The following NUTM2B variants were observed in gnomAD, a reference collection of about 807,000 sequenced individuals.
The protein encoded by NUTM2B is NUT family member 2B.
Under a neutral mutation model 42.4 loss-of-function variants are expected in NUTM2B, and 2 were observed. The observed-to-expected ratio is 0.05, with a 90% CI of 0.02 to 0.15. The LOEUF is 0.15. Among genes scored for constraint, NUTM2B ranks in the 10% least tolerant of loss-of-function variants. The pLI is 1.00. For missense variants in NUTM2B, 58 were observed against 952.6 expected (o/e 0.06, Z 12.36); for synonymous variants, 18 against 402.4 (o/e 0.04, Z 11.43).
At chr10:79,702,746 ACTC>A (rs1229152966), upstream of NUTM2B, among the ~76,000 whole-genome samples, 1,010 of 146,758 alleles carry the variant, frequency 6.9e-3, 1 homozygote, top group Non-Finnish European at 0.011. Context: ...CTGAGTTCTC[ACTC>A]CTCATCTCCT....
chr10:79,700,713 G>A (rs908135210), upstream of NUTM2B, among the ~76,000 whole-genome samples: 4 of 152,174 alleles, frequency 2.6e-5, no homozygotes, highest in African/African-American at 9.7e-5. Flanking sequence ...TTGCTCTCGT[G>A]CTGCGCGTCT....
chr10:79,693,513 G>C, the NUTM2B span, among the ~76,000 whole-genome samples: 1 of 152,128 alleles, frequency 6.6e-6, no homozygotes, highest in Non-Finnish European at 1.5e-5. Flanking sequence ...CAAAAATATT[G>C]AGCCCAGAAC....
At chr10:79,705,389 C>T (rs3128231) in intron 1 of NUTM2B, among the ~76,000 whole-genome samples, 35 of 147,886 alleles carry the variant, frequency 2.4e-4, no homozygotes, top group Non-Finnish European at 3.9e-4. Flanking sequence ...AAGGGTGGCC[C>T]GAATCTGACC....
At chr10:79,701,275 T>C (rs994525259), upstream of NUTM2B, among the ~76,000 whole-genome samples, 5 of 152,176 alleles carry the variant, frequency 3.3e-5, no homozygotes, top group African/African-American at 9.7e-5. Context: ...TCCTACCGCA[T>C]TCAAATGATT....
upstream of NUTM2B, among the ~76,000 whole-genome samples, chr10:79,702,143 TG>T (rs1403010366): frequency 6.6e-6 from 1 of 151,568 alleles, no homozygotes; most frequent in East Asian, 1.9e-4. Context: ...TGTTTTGTTT[TG>T]GTAAGTTTAC....
chr10:79,699,733 G>A (rs9415214), upstream of NUTM2B, among the ~76,000 whole-genome samples: 13,199 of 151,894 alleles, frequency 0.087, 819 homozygotes, highest in African/African-American at 0.19. Flanking sequence ...GTGAGCCACC[G>A]TGCCCGGCCC....
At chr10:79,701,796 A>G (rs1840318598), upstream of NUTM2B, among the ~76,000 whole-genome samples, 2 of 151,252 alleles carry the variant, frequency 1.3e-5, no homozygotes, top group South Asian at 2.1e-4. Context: ...GGCTAATTTG[A>G]CTGTCTCTCC....
At chr10:79,692,724 G>C in the NUTM2B span, among the ~76,000 whole-genome samples, 1 of 152,180 alleles carries the variant, frequency 6.6e-6, no homozygotes, top group East Asian at 1.9e-4. Context: ...TGCTTCCCAT[G>C]CTGGGCCTGG....
Position 79,711,898 on chromosome 10 carries a change from C to T in NUTM2B, c.2050C>T (p.Arg684Ter), listed in dbSNP as rs560235964. 163 of 1,522,234 alleles carry T rather than the reference C, an allele frequency of 1.1e-4. 1 individual carries two copies. In the East Asian group the frequency reaches 3.3e-3, roughly 31 times the overall value. The allele number at this position is 1,522,234 out of a possible 1,614,324, so 94.3% of individuals were successfully genotyped here. A position where few individuals can be genotyped will look rare whatever the true frequency, so the allele number is the denominator to read the frequency against. ...GATGACTGCCCGGGACTCTCAGGGA[C>T]GAGGCAGAGCACACACTGGCATGGC... Residue 684 changes from arginine (R) to a stop codon, truncating the protein, a stop_gained, in exon 7 of 7, where the codon CGA (arginine) becomes TGA (stop). Transcript: ENST00000429828. LOFTEE classifies it low-confidence loss of function (END_TRUNC).
At chr10:79,705,883 C>A (rs1020745792) in intron 1 of NUTM2B, among the ~76,000 whole-genome samples, 159 bp from the exon 2 acceptor site, 4 of 146,870 alleles carry the variant, frequency 2.7e-5, no homozygotes, top group Non-Finnish European at 6.0e-5. Flanking sequence ...AGCGACTCTC[C>A]GTGGAGGAAC....
At chr10:79,711,857 A>C in exon 7 of NUTM2B, 1 of 1,529,360 alleles carries the variant, frequency 6.5e-7, no homozygotes, top group Non-Finnish European at 8.9e-7. Flanking sequence ...GTTGGCATGG[A>C]AACCTGCCCA....
chr10:79,697,736 CAA>C, the NUTM2B span, among the ~76,000 whole-genome samples: 59 of 128,740 alleles, frequency 4.6e-4, no homozygotes, highest in East Asian at 3.5e-3. Context: ...GGCATAGGCT[CAA>C]AAAAAAAAAA....
At chr10:79,695,098 A>C in the NUTM2B span, among the ~76,000 whole-genome samples, 1 of 152,102 alleles carries the variant, frequency 6.6e-6, no homozygotes, top group African/African-American at 2.4e-5. Flanking sequence ...CCCCAGGCCC[A>C]GGTTCTAAAG....
At chr10:79,692,634 C>T in the NUTM2B span, among the ~76,000 whole-genome samples, 3 of 152,288 alleles carry the variant, frequency 2.0e-5, no homozygotes, top group Admixed American at 2.0e-4. Context: ...GGAGGATCAC[C>T]CAACCACAGC....
chr10:79,695,591 G>A, the NUTM2B span, among the ~76,000 whole-genome samples: 1 of 152,154 alleles, frequency 6.6e-6, no homozygotes, highest in Non-Finnish European at 1.5e-5. Context: ...CCACCCAGGA[G>A]GCAGATGGTA....
At chr10:79,695,729 C>T in the NUTM2B span, among the ~76,000 whole-genome samples, 1 of 151,890 alleles carries the variant, frequency 6.6e-6, no homozygotes, top group Admixed American at 6.6e-5. Context: ...CACATGTGAC[C>T]TCCTGTCCTG....
chr10:79,709,433 G>C (rs1840449170), intron 3 of NUTM2B, among the ~76,000 whole-genome samples: 3 of 133,202 alleles, frequency 2.3e-5, no homozygotes, highest in Non-Finnish European at 4.8e-5. Context: ...TATCTTTCAG[G>C]GGCCCACAGT....
At chr10:79,698,320 G>A (rs1489389178), upstream of NUTM2B, among the ~76,000 whole-genome samples, 3 of 152,034 alleles carry the variant, frequency 2.0e-5, no homozygotes, top group African/African-American at 7.2e-5. Flanking sequence ...TACATCTCCG[G>A]AATACAACCT....
the NUTM2B span, among the ~76,000 whole-genome samples, chr10:79,694,408 A>G: frequency 8.6e-5 from 13 of 150,542 alleles, no homozygotes; most frequent in African/African-American, 3.2e-4. Context: ...AAAAAAAAAA[A>G]GAAAGAAAGA....
Sources: gnomAD v4.1 joint callset for allele counts (sites outside exome capture counted in the v4.1 genomes callset) on GRCh38, gnomAD v4.1.1 for gene constraint, MANE v1.5 for transcripts, NCBI Gene and HGNC (gene_info 2026-07-23, HGNC 2026-07-21) for gene names.